Variants in PRKG1 observed in about 807,000 individuals in gnomAD.
PRKG1 encodes cGMP-dependent protein kinase 1.
PRKG1 carries 35 observed loss-of-function variants against 88.1 expected under a neutral mutation model. The ratio of observed to expected loss-of-function variants is 0.40; its 90% CI spans 0.30 to 0.53. The LOEUF is 0.53. PRKG1 is among the 20% of genes least tolerant of loss of function. The pLI is 0.59. For synonymous variants in PRKG1, 303 were observed against 292.5 expected (o/e 1.04, Z -0.37); for missense variants, 540 against 839.8 (o/e 0.64, Z 4.41).
chr10:51,880,140 T>G (rs1269440282), intron 4 of PRKG1, among the ~76,000 whole-genome samples: 2 of 152,362 alleles, frequency 1.3e-5, no homozygotes, highest in Non-Finnish European at 2.9e-5. Flanking sequence ...AAAAATATTT[T>G]GTGTGATACT....
At chr10:51,339,069 AAGT>A (rs898111559) in intron 2 of PRKG1, among the ~76,000 whole-genome samples, 2 of 152,198 alleles carry the variant, frequency 1.3e-5, no homozygotes, top group Admixed American at 1.3e-4. Context: ...GAATTCCCAT[AAGT>A]AGTCTTAAAT....
chr10:52,291,720 C>G (rs1032635056), intron 17 of PRKG1, among the ~76,000 whole-genome samples: 1 of 150,248 alleles, frequency 6.7e-6, no homozygotes, highest in Non-Finnish European at 1.5e-5. Flanking sequence ...CATACGTGTG[C>G]ATGTGTCTTT....
chr10:51,560,867 T>C (rs745810623), intron 3 of PRKG1, among the ~76,000 whole-genome samples: 5 of 152,104 alleles, frequency 3.3e-5, no homozygotes, highest in African/African-American at 1.2e-4. Context: ...GCTATTGTGT[T>C]ATAATTTATT....
intron 2 of PRKG1, among the ~76,000 whole-genome samples, chr10:51,339,292 A>G (rs1211789370): frequency 6.6e-6 from 1 of 152,162 alleles, no homozygotes; most frequent in Non-Finnish European, 1.5e-5. Flanking sequence ...CACATGATCC[A>G]TACCAGAGGA....
intron 5 of PRKG1, among the ~76,000 whole-genome samples, chr10:51,969,750 A>G (rs1288326507): frequency 1.3e-5 from 2 of 152,034 alleles, no homozygotes; most frequent in East Asian, 1.9e-4. Flanking sequence ...TGGCTAAAAT[A>G]TAAATATTCA....
At chr10:51,988,689 T>C (rs1221957449) in intron 5 of PRKG1, among the ~76,000 whole-genome samples, 1 of 152,082 alleles carries the variant, frequency 6.6e-6, no homozygotes, top group African/African-American at 2.4e-5. Flanking sequence ...CTTTTTCTTT[T>C]AGGTTTTTGT....
At chr10:51,300,812 T>C (rs1174049701) in intron 2 of PRKG1, among the ~76,000 whole-genome samples, 1 of 152,228 alleles carries the variant, frequency 6.6e-6, no homozygotes, top group East Asian at 1.9e-4. Context: ...GTCTCCTCCC[T>C]GTTAGCTTAC....
chr10:51,669,049 C>T (rs1229348000), intron 3 of PRKG1, among the ~76,000 whole-genome samples: 1 of 152,152 alleles, frequency 6.6e-6, no homozygotes, highest in Non-Finnish European at 1.5e-5. Flanking sequence ...TTCGCCATCC[C>T]AATTTTTTAA....
At chr10:51,012,595 G>A (rs547907779) in intron 1 of PRKG1, among the ~76,000 whole-genome samples, 1 of 152,302 alleles carries the variant, frequency 6.6e-6, no homozygotes, top group South Asian at 2.1e-4. Context: ...ATATTTGAAA[G>A]ACCATTCACT....
intron 3 of PRKG1, among the ~76,000 whole-genome samples, chr10:51,778,863 C>T (rs2132558612): frequency 6.6e-6 from 1 of 152,188 alleles, no homozygotes; most frequent in African/African-American, 2.4e-5. Flanking sequence ...AGAGAGAAAT[C>T]CCTACATATT....
intron 3 of PRKG1, among the ~76,000 whole-genome samples, chr10:51,777,198 C>G (rs1420993225): frequency 1.3e-5 from 2 of 152,004 alleles, no homozygotes; most frequent in Non-Finnish European, 2.9e-5. Flanking sequence ...TTGACAGACA[C>G]TATTAGGTGA....
intron 5 of PRKG1, among the ~76,000 whole-genome samples, chr10:51,990,647 TAGATTATTTTGTCACCC>T (rs1316454602): frequency 6.6e-6 from 1 of 152,026 alleles, no homozygotes; most frequent in Admixed American, 6.6e-5. Context: ...GGTTGTTGTA[TAGATTATTTTGTCACCC>T]AGGTATTAAG....
intron 2 of PRKG1, among the ~76,000 whole-genome samples, chr10:51,457,634 T>G (rs1282073563): frequency 6.6e-6 from 1 of 152,204 alleles, no homozygotes; most frequent in Non-Finnish European, 1.5e-5. Flanking sequence ...GTGACAGACT[T>G]CTTTCACTTA....
rs114750611 is a variant in PRKG1 at position 51,297,447 on chromosome 10, G to A, written c.478+144117G>A. Among the ~76,000 whole-genome samples the A allele has an allele frequency of 2.1e-3, 319 of 152,154 alleles. 2 individuals carry two copies. Among genetic ancestry groups the A allele is most frequent in the African/African-American group, 7.2e-3 (299 of 41,558 alleles). Reference sequence around the variant, plus strand: ...GGTTTATCTTTTTTCCTTTTAAAACGTGAATTCTTGGATTTTCATATTATA... The same window carrying A: ...GGTTTATCTTTTTTCCTTTTAAAACATGAATTCTTGGATTTTCATATTATA... On this transcript the variant is annotated intron_variant, in intron 2 of 17. Coordinates refer to ENST00000373980, the MANE Select transcript of PRKG1 (RefSeq NM_006258.4).
chr10:51,070,518 A>G (rs188232662), upstream of PRKG1, among the ~76,000 whole-genome samples: 50 of 152,342 alleles, frequency 3.3e-4, no homozygotes, highest in Admixed American at 7.2e-4. Context: ...AAATGACAGA[A>G]GAAAATTTCA....
At chr10:51,613,141 T>C (rs2132248137) in intron 3 of PRKG1, among the ~76,000 whole-genome samples, 1 of 152,124 alleles carries the variant, frequency 6.6e-6, no homozygotes, top group African/African-American at 2.4e-5. Context: ...TGTGAATCCA[T>C]CCAGTCCTGG....
intron 3 of PRKG1, among the ~76,000 whole-genome samples, chr10:51,536,345 T>C (rs1294626956): frequency 1.3e-5 from 2 of 152,218 alleles, no homozygotes; most frequent in Non-Finnish European, 2.9e-5. Flanking sequence ...TGTCTTATTT[T>C]GAGAAGTGTC....
At chr10:51,027,037 C>T (rs1210951545) in intron 1 of PRKG1, among the ~76,000 whole-genome samples, 2 of 151,942 alleles carry the variant, frequency 1.3e-5, no homozygotes, top group African/African-American at 2.4e-5. Context: ...GGACTTACTA[C>T]ATAAGTTTTG....
intron 4 of PRKG1, among the ~76,000 whole-genome samples, chr10:51,835,170 C>G (rs1160160704): frequency 2.6e-5 from 4 of 152,092 alleles, no homozygotes; most frequent in African/African-American, 9.7e-5. Flanking sequence ...GCTTCTGTCC[C>G]CAGAGAGGGG....
Sources: gnomAD v4.1 joint callset for allele counts (sites outside exome capture counted in the v4.1 genomes callset) on GRCh38, gnomAD v4.1.1 for gene constraint, MANE v1.5 for transcripts, NCBI Gene and HGNC (gene_info 2026-07-23, HGNC 2026-07-21) for gene names.